The following PIK3CB variants were observed in gnomAD, a reference collection of about 807,000 sequenced individuals.
The protein encoded by PIK3CB is phosphatidylinositol-4,5-bisphosphate 3-kinase catalytic subunit beta.
A neutral mutation model predicts 136.8 loss-of-function variants in PIK3CB; 39 were observed. The ratio of observed to expected loss-of-function variants is 0.29; its 90% CI spans 0.22 to 0.37. The LOEUF is 0.37. Among genes scored for constraint, PIK3CB ranks in the 10% least tolerant of loss-of-function variants. The pLI is 1.00. For missense variants in PIK3CB, 868 were observed against 1,275.4 expected, an observed-to-expected ratio of 0.68 and a Z score of 4.87; for synonymous variants, 428 against 436.6, an observed-to-expected ratio of 0.98 and a Z score of 0.25.
intron 1 of PIK3CB, chr3:138,826,209 C>A: frequency 1.5e-6 from 2 of 1,369,468 alleles, no homozygotes; most frequent in Non-Finnish European, 2.1e-6. Context: ...TCCTCTGGGT[C>A]ATTTTGCTGC....
intron 1 of PIK3CB, among the ~76,000 whole-genome samples, chr3:138,823,191 G>C (rs1441396451): frequency 6.6e-6 from 1 of 151,722 alleles, no homozygotes; most frequent in Non-Finnish European, 1.5e-5. Flanking sequence ...GGAGCCTGAG[G>C]TGGGGGGATC....
At chr3:138,667,821 C>A (rs2043447961) in intron 19 of PIK3CB, among the ~76,000 whole-genome samples, 1 of 151,858 alleles carries the variant, frequency 6.6e-6, no homozygotes, top group South Asian at 2.1e-4. Flanking sequence ...AATCCCAGCA[C>A]TTTGGGTGGC....
rs773229442 is a variant in PIK3CB, at chr3:138,691,004, G to C, written c.2032C>G (p.Leu678Val). Reference protein sequence around the residue: ...RRIGQFLFWHLRSEVHIPAVS... With the variant: ...RRIGQFLFWHVRSEVHIPAVS... ...AGTAAAATATAAAAGACTTACCTAAGATGCCAAAATAGAAACTGCCCTATC... is the reference window on the plus strand; with the variant it reads ...AGTAAAATATAAAAGACTTACCTAACATGCCAAAATAGAAACTGCCCTATC... Residue 678 changes from leucine (L) to valine (V), a missense_variant, in exon 15 of 24, where the codon CTT (leucine) becomes GTT (valine). Coordinates refer to ENST00000674063, the MANE Select transcript of PIK3CB (RefSeq NM_006219.3). 1 of 1,609,902 alleles carries C rather than the reference G, an allele frequency of 6.2e-7. No homozygotes were observed.
chr3:138,701,534 C>T (rs543990994), intron 12 of PIK3CB, among the ~76,000 whole-genome samples: 1 of 152,100 alleles, frequency 6.6e-6, no homozygotes, highest in African/African-American at 2.4e-5. Context: ...CGCCTGTAAT[C>T]CCAGCACTTT....
intron 2 of PIK3CB, among the ~76,000 whole-genome samples, chr3:138,771,503 C>T (rs1353662472): frequency 6.6e-6 from 1 of 152,126 alleles, no homozygotes. Context: ...CAGGCGTAAG[C>T]CACCCGCGCC....
chr3:138,687,085 A>C (rs1042186688), intron 16 of PIK3CB, among the ~76,000 whole-genome samples: 5 of 152,166 alleles, frequency 3.3e-5, no homozygotes, highest in African/African-American at 1.2e-4. Flanking sequence ...TGATATCCAC[A>C]CTTCCTGGAA....
intron 2 of PIK3CB, chr3:138,778,170 C>T (rs898354222): frequency 1.3e-5 from 6 of 450,926 alleles, no homozygotes; most frequent in South Asian, 6.2e-5. Flanking sequence ...AAGGAGAAAC[C>T]GAAAGGGTCA....
intron 4 of PIK3CB, among the ~76,000 whole-genome samples, chr3:138,745,380 C>G (rs576675125): frequency 6.6e-5 from 10 of 152,230 alleles, no homozygotes; most frequent in African/African-American, 2.4e-4. Flanking sequence ...CTCCTGTCAT[C>G]CTAGCACTTT....
chr3:138,712,328 T>A (rs2044519512), intron 9 of PIK3CB, 24 bp from the exon 10 acceptor site: 7 of 1,081,174 alleles, frequency 6.5e-6, no homozygotes, highest in Non-Finnish European at 9.5e-6. Flanking sequence ...TACCATTGCA[T>A]AAATATGCTA....
At chr3:138,780,131 G>A (rs993966583) in intron 2 of PIK3CB, among the ~76,000 whole-genome samples, 1 of 150,386 alleles carries the variant, frequency 6.6e-6, no homozygotes, top group Non-Finnish European at 1.5e-5. Flanking sequence ...CTAATTTTTG[G>A]TATTTTTAGT....
chr3:138,711,579 C>CAAAAAAAAAAAAAAAAAAAAAAAA (rs139989947), intron 10 of PIK3CB, among the ~76,000 whole-genome samples: 1 of 67,546 alleles, frequency 1.5e-5, no homozygotes, highest in South Asian at 6.2e-4. Context: ...AACTCCGTCG[C>CAAAAAAAAAAAAAAAAAAAAAAAA]AAAAAAAAAA....
chr3:138,815,076 C>A (rs2108882155), intron 1 of PIK3CB, among the ~76,000 whole-genome samples: 1 of 134,464 alleles, frequency 7.4e-6, no homozygotes, highest in Non-Finnish European at 1.5e-5. Flanking sequence ...GGAGGCGGAG[C>A]TTGCAGTGAG....
intron 2 of PIK3CB, among the ~76,000 whole-genome samples, chr3:138,776,177 G>T (rs867056941): frequency 6.6e-6 from 1 of 151,784 alleles, no homozygotes; most frequent in Non-Finnish European, 1.5e-5. Context: ...CAGCCTGGGC[G>T]ATAAGAGCAA....
intron 2 of PIK3CB, among the ~76,000 whole-genome samples, chr3:138,781,522 G>A (rs1025980395): frequency 1.3e-5 from 2 of 151,198 alleles, no homozygotes; most frequent in African/African-American, 2.4e-5. Flanking sequence ...GTGCAATCTT[G>A]GCTCACTGCA....
chr3:138,697,508 T>G (rs377468032), intron 13 of PIK3CB, among the ~76,000 whole-genome samples: 1 of 152,252 alleles, frequency 6.6e-6, no homozygotes, highest in East Asian at 1.9e-4. Flanking sequence ...CAATCTTGGC[T>G]CACTGCAACC....
intron 4 of PIK3CB, among the ~76,000 whole-genome samples, chr3:138,745,318 G>A (rs1174905978): frequency 6.6e-6 from 1 of 152,096 alleles, no homozygotes; most frequent in Non-Finnish European, 1.5e-5. Flanking sequence ...AATATCAAAA[G>A]AACCTTAAAA....
At chr3:138,738,690 G>C (rs1559852599) in intron 5 of PIK3CB, among the ~76,000 whole-genome samples, 2 of 152,112 alleles carry the variant, frequency 1.3e-5, no homozygotes, top group Admixed American at 1.3e-4. Context: ...TCATAAGACT[G>C]AATGATACAG....
chr3:138,834,491 C>A (rs1934182726), intron 1 of PIK3CB, among the ~76,000 whole-genome samples: 1 of 152,194 alleles, frequency 6.6e-6, no homozygotes, highest in African/African-American at 2.4e-5. Context: ...GGGCGGGCCG[C>A]AACCAAGCCA....
intron 16 of PIK3CB, among the ~76,000 whole-genome samples, chr3:138,687,878 A>AG (rs1203533150): frequency 2.6e-5 from 4 of 152,218 alleles, no homozygotes; most frequent in African/African-American, 9.6e-5. Context: ...AAAGAATAGT[A>AG]GCTTGGACTA....
Sources: allele counts gnomAD v4.1 joint callset (sites outside exome capture counted in the v4.1 genomes callset), GRCh38; gene constraint gnomAD v4.1.1; transcripts MANE v1.5; gene names NCBI Gene and HGNC (gene_info 2026-07-23, HGNC 2026-07-21).